The following DCK variants were observed in gnomAD, a reference collection of about 807,000 sequenced individuals.
DCK encodes deoxycytidine kinase.
A neutral mutation model predicts 38.3 loss-of-function variants in DCK; 23 were observed. The ratio of observed to expected loss-of-function variants is 0.60; its 90% CI spans 0.43 to 0.85. DCK has a LOEUF of 0.85. DCK is among the 40% of genes least tolerant of loss of function. DCK has a pLI of 0.00. For synonymous variants in DCK, 108 were observed against 100.6 expected (o/e 1.07, Z -0.44); for missense variants, 259 against 304.4 (o/e 0.85, Z 1.11).
chr4:71,020,431 C>T (rs995265448), intron 2 of DCK, among the ~76,000 whole-genome samples: 3 of 152,190 alleles, frequency 2.0e-5, no homozygotes, highest in Admixed American at 2.0e-4. Flanking sequence ...TAACTTTTCT[C>T]TAATGATAGC....
chr4:71,018,544 A>G (rs958787384), intron 2 of DCK, among the ~76,000 whole-genome samples: 2 of 152,128 alleles, frequency 1.3e-5, no homozygotes, highest in Non-Finnish European at 2.9e-5. Flanking sequence ...TGTTCTACCA[A>G]TTTGTATTTA....
chr4:71,022,593 A>G, intron 3 of DCK, 33 bp downstream of exon 3: 1 of 1,281,172 alleles, frequency 7.8e-7, no homozygotes. Flanking sequence ...TGGCCATTTG[A>G]AGTTTTTATC....
chr4:71,016,036 A>T (rs1486473248), intron 2 of DCK, among the ~76,000 whole-genome samples: 5 of 152,210 alleles, frequency 3.3e-5, no homozygotes, highest in Non-Finnish European at 7.3e-5. Context: ...AGAAAACCCC[A>T]TCGTCTCAGC....
chr4:71,001,266 C>T (rs765966850), intron 2 of DCK, among the ~76,000 whole-genome samples: 3 of 152,156 alleles, frequency 2.0e-5, no homozygotes, highest in Non-Finnish European at 2.9e-5. Flanking sequence ...GTCATTGGTT[C>T]TGTTTATGTG....
At chr4:70,998,242 A>AAT in intron 2 of DCK, 60 bp downstream of exon 2, 1 of 767,638 alleles carries the variant, frequency 1.3e-6, no homozygotes, top group Non-Finnish European at 2.2e-6. Flanking sequence ...AGTAGTACTT[A>AAT]ATCTCTTTTT....
intron 2 of DCK, among the ~76,000 whole-genome samples, chr4:71,013,813 T>C (rs1578424663): frequency 6.6e-6 from 1 of 152,072 alleles, no homozygotes; most frequent in East Asian, 1.9e-4. Flanking sequence ...ACATGCCAAA[T>C]TGTAAAGACC....
intron 2 of DCK, among the ~76,000 whole-genome samples, chr4:71,011,955 A>G (rs145749711): frequency 0.01 from 1,568 of 152,332 alleles, 11 homozygotes; most frequent in Non-Finnish European, 0.015. Flanking sequence ...TAATAATGTA[A>G]TATATTAAAT....
intron 3 of DCK, among the ~76,000 whole-genome samples, chr4:71,023,345 C>T (rs1005238431): frequency 5.3e-5 from 8 of 152,128 alleles, no homozygotes; most frequent in Non-Finnish European, 1.2e-4. Flanking sequence ...TCACAGAACC[C>T]CTTAGAAGAT....
intron 2 of DCK, among the ~76,000 whole-genome samples, chr4:71,000,303 G>A (rs556631619): frequency 1.3e-5 from 2 of 152,180 alleles, no homozygotes; most frequent in East Asian, 1.9e-4. Flanking sequence ...GCTTGTTTTT[G>A]TCAGGTTTGT....
chr4:71,015,901 C>T (rs1000648702), intron 2 of DCK, among the ~76,000 whole-genome samples: 2 of 152,184 alleles, frequency 1.3e-5, no homozygotes, highest in African/African-American at 2.4e-5. Context: ...CTCACCACTC[C>T]TATTCAACAT....
chr4:71,016,439 A>G (rs1013753667), intron 2 of DCK, among the ~76,000 whole-genome samples: 3 of 152,182 alleles, frequency 2.0e-5, no homozygotes, highest in Non-Finnish European at 4.4e-5. Context: ...ACTACTTTAA[A>G]GTTCATAAGG....
At position 71,029,555 on chromosome 4, in the gene DCK, C is replaced by T; in HGVS notation, c.*177C>T. The T allele has an allele frequency of 7.2e-6, 4 of 554,936 alleles. No individual in the cohort carries two copies. The highest frequency in any genetic ancestry group is 6.4e-6 in the Non-Finnish European group (2 of 311,182). 34.4% of individuals were successfully genotyped at this position (554,936 alleles called of 1,614,324 possible). A position where few individuals can be genotyped will look rare whatever the true frequency, so the allele number is the denominator to read the frequency against. On this transcript the variant is annotated 3_prime_UTR_variant, in exon 7 of 7. Transcript: ENST00000286648. ...CAAAACTTTTTGACCAGTTTCTTTTCTTTTGTTTTTTTTTTAAAAAAGACA... is the reference window on the plus strand; with the variant it reads ...CAAAACTTTTTGACCAGTTTCTTTTTTTTTGTTTTTTTTTTAAAAAAGACA...
In DCK at chr4:71,022,470, G is replaced by T. The variant is rs370045223; in HGVS notation, c.311G>T (p.Arg104Leu). ...FTFQTYACLSRIRAQLASLNG... is the reference protein window; with the variant it reads ...FTFQTYACLSLIRAQLASLNG... ...TTCCAAACATATGCCTGTCTCAGTC[G>T]AATAAGAGCTCAGCTTGCCTCTCTG... is the stretch of plus-strand genomic sequence containing the variant. The change falls in exon 3 of 7, where the codon CGA becomes CTA. Residue 104 changes from arginine to leucine, a missense_variant. Around this residue, in one of 3 missense-constraint regions of DCK, gnomAD observed 159 missense variants for 159.0 expected, o/e 1.00. Transcript: ENST00000286648. 1 of 1,610,300 alleles carries T rather than the reference G, an allele frequency of 6.2e-7. No homozygotes were observed. The highest frequency in any genetic ancestry group is 1.1e-5 in the South Asian group (1 of 90,186).
At chr4:71,017,787 G>A in intron 2 of DCK, among the ~76,000 whole-genome samples, 1 of 115,424 alleles carries the variant, frequency 8.7e-6, no homozygotes, top group African/African-American at 3.3e-5. Flanking sequence ...TGTGGGGTGG[G>A]GGGAGGGGGG....
In DCK at chr4:71,029,875, T is replaced by G. The variant is rs1740642258; in HGVS notation, c.*497T>G. The G allele has an allele frequency of 6.5e-6, 1 of 153,070 alleles. No individual in the cohort carries two copies. The highest frequency in any genetic ancestry group is 6.5e-5 in the Admixed American group (1 of 15,300). 9.5% of individuals were successfully genotyped at this position (153,070 alleles called of 1,614,324 possible). ...AAAGGAATCCCTAGAATAAGGATTC[T>G]GAAGTTTTATTTTAAATTATTATCT... On this transcript the variant is annotated 3_prime_UTR_variant, in exon 7 of 7. Coordinates refer to ENST00000286648, the MANE Select transcript of DCK (RefSeq NM_000788.3).
chr4:71,021,360 C>G (rs1474403025), intron 2 of DCK, among the ~76,000 whole-genome samples: 2 of 152,164 alleles, frequency 1.3e-5, no homozygotes, highest in Admixed American at 1.3e-4. Flanking sequence ...CAGGCGTGAG[C>G]CACCGCGCCC....
At chr4:71,012,873 G>A (rs1035322269) in intron 2 of DCK, among the ~76,000 whole-genome samples, 2 of 152,170 alleles carry the variant, frequency 1.3e-5, no homozygotes, top group African/African-American at 4.8e-5. Flanking sequence ...ACCTCCAAAG[G>A]AACACAGCTC....
At chr4:71,018,969 G>C (rs1360925967) in intron 2 of DCK, among the ~76,000 whole-genome samples, 1 of 152,018 alleles carries the variant, frequency 6.6e-6, no homozygotes, top group Admixed American at 6.6e-5. Flanking sequence ...GCCTCACCTG[G>C]CTGGATAAAT....
At chr4:71,020,631 T>G (rs896394735) in intron 2 of DCK, among the ~76,000 whole-genome samples, 1 of 152,166 alleles carries the variant, frequency 6.6e-6, no homozygotes, top group African/African-American at 2.4e-5. Flanking sequence ...TTTTTTTTTC[T>G]TTTTACCTAC....
Sources: allele counts gnomAD v4.1 joint callset (sites outside exome capture counted in the v4.1 genomes callset), GRCh38; gene constraint gnomAD v4.1.1; regional missense constraint gnomAD v4.1.1; transcripts MANE v1.5; gene names NCBI Gene and HGNC (gene_info 2026-07-23, HGNC 2026-07-21).